TMEM132D: variants seen among roughly 807,000 people sequenced by gnomAD.
TMEM132D encodes mature OL transmembrane protein.
TMEM132D carries 21 observed loss-of-function variants against 62.3 expected under a neutral mutation model. The observed-to-expected ratio is 0.34, with a 90% confidence interval of 0.24 to 0.49. The LOEUF (loss-of-function observed/expected upper bound fraction) is 0.49. Among genes scored for constraint, TMEM132D ranks in the 20% least tolerant of loss-of-function variants. The probability of loss-of-function intolerance (pLI) is 0.99; values close to 1 mark genes in which losing one functional copy is unlikely to be tolerated. For missense variants in TMEM132D, 1,346 were observed against 1,402.8 expected (o/e 0.96, Z 0.65); for synonymous variants, 621 against 575.6 (o/e 1.08, Z -1.13).
chr12:129,880,487 T>A (rs1356254473), intron 1 of TMEM132D, among the ~76,000 whole-genome samples: 2 of 152,178 alleles, frequency 1.3e-5, no homozygotes, highest in Non-Finnish European at 2.9e-5. Context: ...TATCTTGAAT[T>A]GCTCTAAAAA....
intron 5 of TMEM132D, among the ~76,000 whole-genome samples, chr12:129,091,789 C>T (rs1273875786): frequency 6.6e-6 from 1 of 152,234 alleles, no homozygotes; most frequent in Non-Finnish European, 1.5e-5. Context: ...GACCTGGCCC[C>T]AACTCCATCC....
chr12:129,197,252 GACA>G (rs1878574873), intron 5 of TMEM132D, among the ~76,000 whole-genome samples: 1 of 152,096 alleles, frequency 6.6e-6, no homozygotes, highest in South Asian at 2.1e-4. Flanking sequence ...AGCAGCCATA[GACA>G]ATACTCAACA....
intron 5 of TMEM132D, among the ~76,000 whole-genome samples, chr12:129,133,179 G>T (rs1217796355): frequency 6.7e-6 from 1 of 149,802 alleles, no homozygotes; most frequent in Admixed American, 6.6e-5. Context: ...TTCTAAAATT[G>T]TGATAAGAAC....
At chr12:129,833,886 A>C (rs764494810) in intron 1 of TMEM132D, among the ~76,000 whole-genome samples, 1 of 152,052 alleles carries the variant, frequency 6.6e-6, no homozygotes, top group Admixed American at 6.5e-5. Context: ...TAATGCCTAC[A>C]TGCCTAAAAC....
At chr12:129,481,564 C>G (rs1874430978) in intron 3 of TMEM132D, among the ~76,000 whole-genome samples, 1 of 151,632 alleles carries the variant, frequency 6.6e-6, no homozygotes. Flanking sequence ...TTTACCAACA[C>G]ATACTTGAAA....
intron 3 of TMEM132D, among the ~76,000 whole-genome samples, chr12:129,495,011 C>T (rs943937058): frequency 6.6e-6 from 1 of 152,126 alleles, no homozygotes; most frequent in Non-Finnish European, 1.5e-5. Flanking sequence ...TTGAGGGAAG[C>T]CCGGTGAGTT....
At chr12:129,801,088 C>T (rs1261175726) in intron 1 of TMEM132D, among the ~76,000 whole-genome samples, 1 of 152,174 alleles carries the variant, frequency 6.6e-6, no homozygotes, top group Non-Finnish European at 1.5e-5. Flanking sequence ...TCCCTGATGG[C>T]TAGCACAGCA....
intron 3 of TMEM132D, among the ~76,000 whole-genome samples, chr12:129,455,886 G>A (rs1325181213): frequency 6.6e-6 from 1 of 152,176 alleles, no homozygotes; most frequent in African/African-American, 2.4e-5. Flanking sequence ...GTTATACACT[G>A]ACTCCATTTT....
intron 2 of TMEM132D, among the ~76,000 whole-genome samples, chr12:129,571,332 G>A (rs762293454): frequency 6.6e-6 from 1 of 152,174 alleles, no homozygotes; most frequent in Middle Eastern, 3.2e-3. Flanking sequence ...TTGGGAGGCC[G>A]AGGCAAGTGG....
At chr12:129,510,216 G>A (rs904331543) in intron 3 of TMEM132D, among the ~76,000 whole-genome samples, 1 of 152,104 alleles carries the variant, frequency 6.6e-6, no homozygotes, top group East Asian at 1.9e-4. Flanking sequence ...TTTCTCTGAT[G>A]ATCAATGATG....
At chr12:129,274,760 G>A (rs550274513) in intron 4 of TMEM132D, among the ~76,000 whole-genome samples, 38 of 152,124 alleles carry the variant, frequency 2.5e-4, no homozygotes, top group African/African-American at 7.9e-4. Context: ...GGTGGCGGGC[G>A]CCTGTGGTCC....
intron 5 of TMEM132D, among the ~76,000 whole-genome samples, chr12:129,205,327 C>T (rs1267336599): frequency 7.6e-6 from 1 of 130,972 alleles, no homozygotes; most frequent in Non-Finnish European, 1.6e-5. Context: ...AAAAATCTAC[C>T]AAAGAAATGG....
At chr12:129,184,482 A>G (rs1878163671) in intron 5 of TMEM132D, among the ~76,000 whole-genome samples, 1 of 152,144 alleles carries the variant, frequency 6.6e-6, no homozygotes, top group African/African-American at 2.4e-5. Flanking sequence ...TGATCTCAGC[A>G]CCCTGTCGCT....
intron 1 of TMEM132D, among the ~76,000 whole-genome samples, chr12:129,859,500 T>G (rs1873825520): frequency 6.6e-6 from 1 of 152,206 alleles, no homozygotes; most frequent in Admixed American, 6.5e-5. Flanking sequence ...TATAATACTT[T>G]GCATAGCTGG....
chr12:129,124,190 A>C (rs111802349), intron 5 of TMEM132D, among the ~76,000 whole-genome samples: 422 of 152,104 alleles, frequency 2.8e-3, no homozygotes, highest in African/African-American at 9.4e-3. Context: ...TGGCCTCACA[A>C]CCTCTCTTTC....
At chr12:129,511,203 T>C (rs773862770) in intron 3 of TMEM132D, among the ~76,000 whole-genome samples, 7 of 152,326 alleles carry the variant, frequency 4.6e-5, no homozygotes, top group Admixed American at 1.3e-4. Flanking sequence ...TCTTCTCTGG[T>C]CTCAGTAATT....
intron 5 of TMEM132D, among the ~76,000 whole-genome samples, chr12:129,174,266 C>T (rs1877834897): frequency 1.3e-5 from 2 of 152,086 alleles, no homozygotes; most frequent in South Asian, 4.2e-4. Flanking sequence ...GTGTTTTGTT[C>T]CCCTCCCTGT....
chr12:129,513,776 C>G (rs565604058), intron 3 of TMEM132D, among the ~76,000 whole-genome samples: 2 of 146,256 alleles, frequency 1.4e-5, no homozygotes, highest in African/African-American at 2.5e-5. Context: ...TGAGCCACCG[C>G]GCCCGGCCAA....
chr12:129,576,479 T>A (rs1396674933), intron 2 of TMEM132D, among the ~76,000 whole-genome samples: 1 of 151,846 alleles, frequency 6.6e-6, no homozygotes, highest in East Asian at 1.9e-4. Context: ...TATGCATACA[T>A]ATGTGTACAT....
Sources: gnomAD v4.1 joint callset for allele counts (sites outside exome capture counted in the v4.1 genomes callset) on GRCh38, gnomAD v4.1.1 for gene constraint, MANE v1.5 for transcripts, NCBI Gene and HGNC (gene_info 2026-07-23, HGNC 2026-07-21) for gene names.